AGBL4: variants seen among roughly 807,000 people sequenced by gnomAD.
AGBL4 encodes the protein AGBL carboxypeptidase 4.
AGBL4 carries 58 observed loss-of-function variants against 66.4 expected under a neutral mutation model. The observed-to-expected ratio is 0.87, with a 90% CI of 0.71 to 1.09. The LOEUF is 1.09. AGBL4 is among the 50% of genes least tolerant of loss of function. The pLI is 0.00. For synonymous variants in AGBL4, 234 were observed against 222.9 expected (o/e 1.05, Z -0.44); for missense variants, 579 against 631.0 (o/e 0.92, Z 0.88).
At chr1:49,986,123 C>T (rs1659486814) in intron 1 of AGBL4, among the ~76,000 whole-genome samples, 1 of 151,920 alleles carries the variant, frequency 6.6e-6, no homozygotes, top group Non-Finnish European at 1.5e-5. Flanking sequence ...AGTATGTAGA[C>T]CAATAAAATA....
intron 6 of AGBL4, among the ~76,000 whole-genome samples, chr1:48,822,695 A>G (rs541021226): frequency 6.6e-6 from 1 of 152,340 alleles, no homozygotes; most frequent in South Asian, 2.1e-4. Context: ...AAACAAAATA[A>G]ACTACACCAT....
chr1:49,236,441 T>C (rs566240412), intron 4 of AGBL4, among the ~76,000 whole-genome samples: 7 of 152,322 alleles, frequency 4.6e-5, no homozygotes, highest in Admixed American at 1.3e-4. Flanking sequence ...CAGATCCTTC[T>C]GGGATTTTTG....
chr1:50,001,824 ACAAT>A (rs1660779012), intron 1 of AGBL4, among the ~76,000 whole-genome samples: 1 of 152,168 alleles, frequency 6.6e-6, no homozygotes, highest in Non-Finnish European at 1.5e-5. Flanking sequence ...GAAATAATTG[ACAAT>A]CAATCTAATC....
chr1:49,262,855 C>G (rs1037632827), intron 3 of AGBL4, among the ~76,000 whole-genome samples: 1 of 152,254 alleles, frequency 6.6e-6, no homozygotes, highest in Non-Finnish European at 1.5e-5. Context: ...CACATGTACA[C>G]GTATGTTTAT....
At chr1:48,917,408 GA>G (rs59949945) in intron 5 of AGBL4, among the ~76,000 whole-genome samples, 26 of 151,242 alleles carry the variant, frequency 1.7e-4, no homozygotes, top group Non-Finnish European at 2.4e-4. Flanking sequence ...GCTGGAGGTA[GA>G]AAAAAAAATC....
chr1:48,575,827 C>T (rs1644644798), intron 11 of AGBL4, among the ~76,000 whole-genome samples: 1 of 152,200 alleles, frequency 6.6e-6, no homozygotes, highest in Non-Finnish European at 1.5e-5. Flanking sequence ...CCATCTCCTC[C>T]ACCACCTGGG....
chr1:48,715,372 A>G (rs1342881034), intron 6 of AGBL4, among the ~76,000 whole-genome samples: 1 of 152,066 alleles, frequency 6.6e-6, no homozygotes, highest in East Asian at 1.9e-4. Flanking sequence ...CCCTTCAATC[A>G]TTCATTCATT....
chr1:48,890,882 G>A (rs567141752), intron 5 of AGBL4, among the ~76,000 whole-genome samples: 19 of 152,274 alleles, frequency 1.2e-4, no homozygotes, highest in South Asian at 6.2e-4. Flanking sequence ...GGAAATGGTC[G>A]TGTTGGTGAG....
rs568679422 is a variant in AGBL4 at position 49,659,920 on chromosome 1, C to T, written c.282+37393G>A. On this transcript the variant is annotated intron_variant, in intron 3 of 13. Coordinates refer to ENST00000371839, the MANE Select transcript of AGBL4 (RefSeq NM_032785.4). The stretch of plus-strand genomic sequence containing the variant: ...TACAGTAACCGAAACAGCACCAGTA[C>T]CTTTACTTACACCTTATACAACAAT... Among the ~76,000 whole-genome samples, 4 of 152,168 alleles carry T rather than the reference C, an allele frequency of 2.6e-5. No individual in the cohort carries two copies. In the South Asian group the frequency reaches 8.3e-4, roughly 32 times the overall value.
At chr1:48,923,656 T>C (rs1399195119) in intron 5 of AGBL4, among the ~76,000 whole-genome samples, 1 of 152,208 alleles carries the variant, frequency 6.6e-6, no homozygotes, top group African/African-American at 2.4e-5. Context: ...TTTCAATATT[T>C]GAATATTTTA....
intron 11 of AGBL4, among the ~76,000 whole-genome samples, chr1:48,540,858 T>C (rs755402985): frequency 2.0e-5 from 3 of 152,112 alleles, no homozygotes; most frequent in Admixed American, 1.3e-4. Context: ...CCTAACTAGT[T>C]TCCCTGCCAC....
intron 9 of AGBL4, among the ~76,000 whole-genome samples, chr1:48,626,613 G>A (rs1174753092): frequency 6.6e-6 from 1 of 152,198 alleles, no homozygotes; most frequent in African/African-American, 2.4e-5. Context: ...CCTCTACTAT[G>A]TGTAGACAAG....
chr1:49,266,481 T>G (rs562672452), intron 3 of AGBL4, among the ~76,000 whole-genome samples: 40 of 152,258 alleles, frequency 2.6e-4, no homozygotes, highest in African/African-American at 5.3e-4. Flanking sequence ...TTCAAACATA[T>G]TCATTTAATC....
chr1:49,947,270 A>G (rs1655299883), intron 1 of AGBL4, among the ~76,000 whole-genome samples: 1 of 151,988 alleles, frequency 6.6e-6, no homozygotes, highest in African/African-American at 2.4e-5. Context: ...AATACCCCTA[A>G]TGAACATAGA....
intron 3 of AGBL4, among the ~76,000 whole-genome samples, chr1:49,553,960 G>C (rs966792423): frequency 6.6e-6 from 1 of 152,038 alleles, no homozygotes; most frequent in Non-Finnish European, 1.5e-5. Context: ...CAACATAGTG[G>C]GATCCCATCT....
intron 6 of AGBL4, among the ~76,000 whole-genome samples, chr1:48,696,651 A>G (rs1646718040): frequency 6.6e-6 from 1 of 152,186 alleles, no homozygotes; most frequent in Admixed American, 6.5e-5. Context: ...GAAAAGCGGG[A>G]CACAGGACTG....
chr1:49,929,572 G>A (rs570893373), intron 1 of AGBL4, among the ~76,000 whole-genome samples: 2 of 151,846 alleles, frequency 1.3e-5, no homozygotes, highest in African/African-American at 4.8e-5. Context: ...ACAAAATTAA[G>A]ATTAAATGAA....
intron 3 of AGBL4, among the ~76,000 whole-genome samples, chr1:49,324,748 T>C (rs2148481510): frequency 1.3e-5 from 2 of 152,352 alleles, no homozygotes; most frequent in Middle Eastern, 6.8e-3. Context: ...TTGGCTTCTC[T>C]CACACTCAGA....
chr1:48,884,977 TTAAAA>T (rs1650170893), intron 5 of AGBL4, among the ~76,000 whole-genome samples: 1 of 14,160 alleles, frequency 7.1e-5, no homozygotes, highest in Admixed American at 7.6e-4. Flanking sequence ...AGAGGCAGAT[TTAAAA>T]AAAAAAAAAA....
Sources: allele counts gnomAD v4.1 joint callset (sites outside exome capture counted in the v4.1 genomes callset), GRCh38; gene constraint gnomAD v4.1.1; transcripts MANE v1.5; gene names NCBI Gene and HGNC (gene_info 2026-07-23, HGNC 2026-07-21).